ZFX: variants seen among roughly 807,000 people sequenced by gnomAD.
ZFX encodes the protein zinc finger X-chromosomal protein.
For missense variants in ZFX, 362 were observed against 628.3 expected, an observed-to-expected ratio of 0.58 and a Z score of 4.53; for synonymous variants, 196 against 226.8, an observed-to-expected ratio of 0.86 and a Z score of 1.22.
chrX:24,181,111 T>C (rs1328073269), intron 5 of ZFX, among the ~76,000 whole-genome samples: 1 of 112,641 alleles, frequency 8.9e-6, no homozygotes, highest in East Asian at 2.7e-4. Context: ...AGGAATTTAA[T>C]ATAACATTAA....
chrX:24,180,814 G>A (rs770663480), intron 5 of ZFX, among the ~76,000 whole-genome samples: 1 of 112,110 alleles, frequency 8.9e-6, no homozygotes, highest in South Asian at 3.7e-4. Context: ...TCCAAAACAT[G>A]GTATCAAGTA....
chrX:24,176,335 A>C (rs1169104228), intron 4 of ZFX, among the ~76,000 whole-genome samples: 1 of 109,907 alleles, frequency 9.1e-6, no homozygotes, highest in Non-Finnish European at 1.9e-5. Flanking sequence ...CACCGTTCCC[A>C]GCCTAAAGTG....
intron 5 of ZFX, among the ~76,000 whole-genome samples, chrX:24,181,706 T>C (rs1336329222): frequency 8.9e-6 from 1 of 111,934 alleles, no homozygotes; most frequent in East Asian, 2.8e-4. Flanking sequence ...TTAAATTCTC[T>C]TGGTATTTTG....
chrX:24,209,582 AT>A (rs371656374), intron 9 of ZFX, among the ~76,000 whole-genome samples: 1 of 110,217 alleles, frequency 9.1e-6, no homozygotes. Context: ...TTATTTACTT[AT>A]TTTTTTTTGA....
At chrX:24,183,195 T>C (rs1321190208) in intron 5 of ZFX, among the ~76,000 whole-genome samples, 1 of 111,514 alleles carries the variant, frequency 9.0e-6, no homozygotes, top group Non-Finnish European at 1.9e-5. Context: ...TTATTTTATT[T>C]TATTTTTGAG....
chrX:24,165,484 TA>T (rs1933918262), intron 3 of ZFX, among the ~76,000 whole-genome samples: 2 of 112,795 alleles, frequency 1.8e-5, no homozygotes, highest in Non-Finnish European at 3.7e-5. Flanking sequence ...GAAAACTTAC[TA>T]AGTTAACAAC....
At chrX:24,153,397 G>A (rs1932437552) in intron 3 of ZFX, among the ~76,000 whole-genome samples, 1 of 111,429 alleles carries the variant, frequency 9.0e-6, no homozygotes, top group African/African-American at 3.3e-5. Context: ...TGTCTCACAA[G>A]CCCCACTGCT....
intron 5 of ZFX, among the ~76,000 whole-genome samples, chrX:24,180,796 A>G (rs1461727668): frequency 8.9e-6 from 1 of 112,492 alleles, no homozygotes; most frequent in Non-Finnish European, 1.9e-5. Context: ...TATAGTATGA[A>G]ACATGATTCC....
At chrX:24,181,297 T>C (rs947518739) in intron 5 of ZFX, among the ~76,000 whole-genome samples, 41 of 112,182 alleles carry the variant, frequency 3.7e-4, no homozygotes, top group African/African-American at 1.2e-3. Flanking sequence ...GTAGCGTAGA[T>C]ACAGATATGT....
intron 5 of ZFX, among the ~76,000 whole-genome samples, chrX:24,194,913 A>G (rs1403444964): frequency 2.8e-5 from 3 of 108,933 alleles, no homozygotes; most frequent in African/African-American, 1.0e-4. Flanking sequence ...TGCCCGGCTA[A>G]TTTTTGTATT....
At chrX:24,173,739 T>A in intron 4 of ZFX, 1 of 453,848 alleles carries the variant, frequency 2.2e-6, no homozygotes, top group Non-Finnish European at 3.7e-6. Context: ...TGCCACAATG[T>A]CTGGCTAACT....
intron 5 of ZFX, among the ~76,000 whole-genome samples, chrX:24,199,288 A>G (rs1044428696): frequency 9.3e-6 from 1 of 107,965 alleles, no homozygotes; most frequent in African/African-American, 3.4e-5. Context: ...GCAGGGTCTC[A>G]CTGTCACCCA....
In ZFX at chrX:24,194,404, T is replaced by C. The variant is rs190853383; in HGVS notation, c.647-12922T>C. ...GTGGCGTTTGCACATTCTCCTCATG[T>C]CCATGTGGGTTTCCTCCCACATCCC... is the stretch of plus-strand genomic sequence containing the variant. On this transcript the variant is annotated intron_variant, in intron 5 of 9. Coordinates refer to ENST00000304543, the MANE Select transcript of ZFX (RefSeq NM_003410.4). Among the ~76,000 whole-genome samples the C allele has an allele frequency of 3.5e-3, 388 of 111,115 alleles. 1 individual carries two copies. The highest frequency in any genetic ancestry group is 0.012 in the African/African-American group (370 of 30,551).
intron 4 of ZFX, among the ~76,000 whole-genome samples, chrX:24,177,311 TCTGAGCACCATACA>T (rs1179025311): frequency 8.9e-6 from 1 of 112,522 alleles, no homozygotes; most frequent in African/African-American, 3.2e-5. Flanking sequence ...AATAATATTT[TCTGAGCACCATACA>T]CTGTGCAAAC....
intron 3 of ZFX, among the ~76,000 whole-genome samples, chrX:24,171,074 A>G (rs1934554771): frequency 8.9e-6 from 1 of 111,821 alleles, no homozygotes; most frequent in Non-Finnish European, 1.9e-5. Context: ...ATTCCATGTT[A>G]ATGGATTTTT....
intron 3 of ZFX, among the ~76,000 whole-genome samples, chrX:24,168,925 A>G (rs370241092): frequency 1.8e-5 from 2 of 110,187 alleles, no homozygotes; most frequent in South Asian, 3.9e-4. Flanking sequence ...TTTAGGTTCA[A>G]CTGATCTCTG....
At chrX:24,180,848 G>A (rs1259864392) in intron 5 of ZFX, among the ~76,000 whole-genome samples, 1 of 111,772 alleles carries the variant, frequency 8.9e-6, no homozygotes, top group African/African-American at 3.3e-5. Context: ...TTAGGTTATT[G>A]GAGAAAAGTA....
At chrX:24,154,039 C>T (rs1427832671) in intron 3 of ZFX, among the ~76,000 whole-genome samples, 1 of 111,358 alleles carries the variant, frequency 9.0e-6, no homozygotes, top group African/African-American at 3.3e-5. Flanking sequence ...AGTTATTTTT[C>T]CAGACAACAT....
Position 24,213,238 on chromosome X carries a change from TAAAAC to T in ZFX, c.*1866_*1870del, listed in dbSNP as rs1486176465. 1 of 112,274 alleles carries T rather than the reference TAAAAC, an allele frequency of 8.9e-6. No individual in the cohort carries two copies. Among genetic ancestry groups the T allele is most frequent in the African/African-American group, 3.2e-5 (1 of 30,804 alleles). The allele number at this position is 112,274 out of a possible 1,213,427, so 9.3% of individuals were successfully genotyped here. On this transcript the variant is annotated 3_prime_UTR_variant, in exon 10 of 10. Transcript: ENST00000304543. ...GGTCTGAATCAGTGTCATACATTCA[TAAAAC>T]AAACTCGGTTAATTAGAACTTGGTT...
Sources: allele counts gnomAD v4.1 joint callset (sites outside exome capture counted in the v4.1 genomes callset), GRCh38; gene constraint gnomAD v4.1.1; transcripts MANE v1.5; gene names NCBI Gene and HGNC (gene_info 2026-07-23, HGNC 2026-07-21).